The following NOC3L variants were observed in gnomAD, a reference collection of about 807,000 sequenced individuals.
The protein encoded by NOC3L is nucleolar complex protein 3 homolog.
NOC3L carries 85 observed loss-of-function variants against 102.5 expected under a neutral mutation model. The ratio of observed to expected loss-of-function variants is 0.83; its 90% CI spans 0.70 to 0.99. The LOEUF (loss-of-function observed/expected upper bound fraction) is 0.99. Ranked by LOEUF, NOC3L falls within the 50% of genes least tolerant of loss-of-function variation. NOC3L has a pLI of 0.00. For synonymous variants in NOC3L, 303 were observed against 309.4 expected, an observed-to-expected ratio of 0.98 and a Z score of 0.22; for missense variants, 878 against 914.9, an observed-to-expected ratio of 0.96 and a Z score of 0.52.
chr10:94,317,507 G>C, the NOC3L span, among the ~76,000 whole-genome samples: 2 of 152,094 alleles, frequency 1.3e-5, no homozygotes, highest in Non-Finnish European at 2.9e-5. Context: ...AGAAGTTTTA[G>C]CTAATAGAAG....
At chr10:94,320,448 C>T in the NOC3L span, among the ~76,000 whole-genome samples, 3 of 152,066 alleles carry the variant, frequency 2.0e-5, no homozygotes, top group South Asian at 4.2e-4. Flanking sequence ...CCTTTCTGGC[C>T]CTGGTTGCAG....
intron 5 of NOC3L, among the ~76,000 whole-genome samples, chr10:94,355,917 C>T (rs1433098762): frequency 6.6e-6 from 1 of 152,108 alleles, no homozygotes; most frequent in African/African-American, 2.4e-5. Context: ...CTAGCATAAT[C>T]TGTAATGGTT....
At chr10:94,341,784 C>A in intron 13 of NOC3L, 39 bp from the exon 14 acceptor site, 1 of 1,195,884 alleles carries the variant, frequency 8.4e-7, no homozygotes, top group Non-Finnish European at 1.2e-6. Flanking sequence ...GAACTAAAAG[C>A]AGAAATAAAG....
intron 11 of NOC3L, among the ~76,000 whole-genome samples, chr10:94,345,474 T>G (rs555825785): frequency 6.6e-6 from 1 of 152,226 alleles, no homozygotes; most frequent in South Asian, 2.1e-4. Context: ...CCTAATGCTG[T>G]AAGAGCAGTA....
chr10:94,327,361 G>A, the NOC3L span, among the ~76,000 whole-genome samples: 2,772 of 151,982 alleles, frequency 0.018, 29 homozygotes, highest in South Asian at 0.04. Flanking sequence ...GTGGGAGGCC[G>A]AGGTGTGTGG....
chr10:94,344,609 C>A, intron 12 of NOC3L, 94 bp from the exon 13 acceptor site: 1 of 801,348 alleles, frequency 1.2e-6, no homozygotes, highest in Non-Finnish European at 2.0e-6. Context: ...TAACTTTTTT[C>A]CCTACCCATC....
chr10:94,349,347 T>C lies in NOC3L; in HGVS notation c.1160A>G (p.Lys387Arg). ...ISEMCCEAVK[K>R]LFKQDKLGQA... is the part of the protein sequence containing the mutation. ...GCCTAATTTATCTTGCTTAAAGAGT[T>C]TCTTCACAGCTTCACAACACATTTC... Residue 387 changes from lysine (K) to arginine (R), a missense_variant, in exon 10 of 21, where the codon AAA becomes AGA. Coordinates refer to ENST00000371361, the MANE Select transcript of NOC3L (RefSeq NM_022451.11). The C allele has an allele frequency of 6.3e-7, 1 of 1,581,570 alleles. No individual in the cohort carries two copies. Among genetic ancestry groups the C allele is most frequent in the East Asian group, 2.2e-5 (1 of 44,496 alleles).
the NOC3L span, among the ~76,000 whole-genome samples, chr10:94,327,111 G>C: frequency 6.6e-6 from 1 of 151,934 alleles, no homozygotes; most frequent in Non-Finnish European, 1.5e-5. Context: ...GCAGTGAGCC[G>C]AGATTGCGCC....
At chr10:94,327,534 A>C in the NOC3L span, among the ~76,000 whole-genome samples, 1 of 152,214 alleles carries the variant, frequency 6.6e-6, no homozygotes, top group Non-Finnish European at 1.5e-5. Context: ...AGAGGGAGAG[A>C]GAGCAAAAAG....
At chr10:94,337,335 A>C (rs1166708014) in intron 19 of NOC3L, among the ~76,000 whole-genome samples, 1 of 146,684 alleles carries the variant, frequency 6.8e-6, no homozygotes, top group Admixed American at 6.8e-5. Context: ...TTTTCTCCTC[A>C]TCCTGCCCTA....
the NOC3L span, among the ~76,000 whole-genome samples, chr10:94,319,156 G>A: frequency 1.3e-5 from 2 of 152,156 alleles, no homozygotes; most frequent in African/African-American, 2.4e-5. Context: ...TAAATCAGAA[G>A]GGAAGGCTAA....
At chr10:94,320,236 G>C in the NOC3L span, among the ~76,000 whole-genome samples, 2 of 152,008 alleles carry the variant, frequency 1.3e-5, no homozygotes, top group African/African-American at 4.8e-5. Context: ...TATGTAAAAA[G>C]AGACAATAGC....
chr10:94,339,959 A>G, intron 16 of NOC3L, 39 bp from the exon 17 acceptor site: 1 of 1,554,850 alleles, frequency 6.4e-7, no homozygotes, highest in Non-Finnish European at 8.8e-7. Context: ...TGTTCTCATT[A>G]CTTTTTCATT....
At chr10:94,338,811 G>T in intron 17 of NOC3L, 75 bp from the exon 18 acceptor site, 1 of 1,274,356 alleles carries the variant, frequency 7.8e-7, no homozygotes, top group Non-Finnish European at 1.1e-6. Flanking sequence ...GTTTGTAGTT[G>T]TATTTGCATT....
Position 94,340,440 on chromosome 10 carries a change from A to G in NOC3L, c.1701T>C (p.Ser567=). The G allele has an allele frequency of 7.0e-7, 1 of 1,431,876 alleles. No individual in the cohort carries two copies. The allele number at this position is 1,431,876 out of a possible 1,614,324, so 88.7% of individuals were successfully genotyped here. The change falls in exon 15 of 21, where the codon TCT becomes TCC. Residue 567 remains serine (S), a synonymous_variant. Transcript: ENST00000371361. ...ATTAAGAAAATATCATACCTTGTCC[A>G]GAAAGAATATGAAAAGCAGTCTGGA... ...HCVQTAFHIL[S]GQGDVLNIDP...
intron 19 of NOC3L, among the ~76,000 whole-genome samples, chr10:94,337,463 T>C (rs962397889): frequency 1.3e-5 from 2 of 152,192 alleles, no homozygotes; most frequent in Admixed American, 6.5e-5. Context: ...TTATTCATTG[T>C]TGAACCTGAG....
chr10:94,362,794 C>T, intron 1 of NOC3L, 36 bp downstream of exon 1: 1 of 1,613,722 alleles, frequency 6.2e-7, no homozygotes. Context: ...CGAAGGGGCC[C>T]TAGGCCGCGG....
chr10:94,341,321 A>G (rs905567848), intron 14 of NOC3L, among the ~76,000 whole-genome samples: 1 of 152,080 alleles, frequency 6.6e-6, no homozygotes, highest in African/African-American at 2.4e-5. Context: ...ATAAAGACAC[A>G]TATTTAAGGT....
At position 94,362,812 on chromosome 10, in the gene NOC3L, G is replaced by C. The variant is rs2054566998; in HGVS notation, c.9+18C>G. 1.1e-5 allele frequency: 18 copies of C among 1,613,930 alleles called. No individual in the cohort carries two copies. In the East Asian group the frequency reaches 4.0e-4, roughly 36 times the overall value. ...AGGGGCCCTAGGCCGCGGCGACCGG[G>C]CTTTTGAGGACACTTACCGCCTTCA... On this transcript the variant is annotated intron_variant, in intron 1 of 20. Coordinates refer to ENST00000371361, the MANE Select transcript of NOC3L (RefSeq NM_022451.11).
Sources: gnomAD v4.1 joint callset for allele counts (sites outside exome capture counted in the v4.1 genomes callset) on GRCh38, gnomAD v4.1.1 for gene constraint, MANE v1.5 for transcripts, NCBI Gene and HGNC (gene_info 2026-07-23, HGNC 2026-07-21) for gene names.